KCNQ2: variants seen among roughly 807,000 people sequenced by gnomAD.
KCNQ2 encodes potassium voltage-gated channel subfamily KQT member 2.
A neutral mutation model predicts 84.8 loss-of-function variants in KCNQ2; 14 were observed. The ratio of observed to expected loss-of-function variants is 0.17; its 90% CI spans 0.11 to 0.26. The LOEUF (loss-of-function observed/expected upper bound fraction) is 0.26. Ranked by LOEUF, KCNQ2 falls within the 10% of genes least tolerant of loss-of-function variation. The pLI, the probability that KCNQ2 is intolerant of heterozygous loss-of-function variation, is 1.00. For missense variants in KCNQ2, 788 were observed against 1,254.0 expected (o/e 0.63, Z 5.61); for synonymous variants, 599 against 554.1 (o/e 1.08, Z -1.14).
chr20:63,462,839 C>T (rs73918929), intron 1 of KCNQ2, among the ~76,000 whole-genome samples: 1,742 of 152,248 alleles, frequency 0.011, 31 homozygotes, highest in African/African-American at 0.04. Context: ...GGGGGCCACA[C>T]GCACAAGGCA....
intron 5 of KCNQ2, among the ~76,000 whole-genome samples, chr20:63,440,358 A>G (rs2081122350): frequency 6.6e-6 from 1 of 152,150 alleles, no homozygotes; most frequent in Non-Finnish European, 1.5e-5. Context: ...AAGGACGGAC[A>G]CGTCTCCAAG....
rs981187085 is a variant in KCNQ2, at chr20:63,406,147, G to A, written c.*497C>T. The A allele has an allele frequency of 2.5e-5, 4 of 161,394 alleles. No individual in the cohort carries two copies. The highest frequency in any genetic ancestry group is 4.1e-5 in the Non-Finnish European group (3 of 73,346). 10.0% of individuals were successfully genotyped at this position (161,394 alleles called of 1,614,324 possible). On this transcript the variant is annotated 3_prime_UTR_variant, in exon 17 of 17. Coordinates refer to ENST00000359125, the MANE Select transcript of KCNQ2 (RefSeq NM_172107.4). The stretch of plus-strand genomic sequence containing the variant: ...TGTGAAGGCAGAGGCCACGCACAGC[G>A]GCCGGCCACACCCGCCTGTAGCTGC...
intron 7 of KCNQ2, among the ~76,000 whole-genome samples, chr20:63,436,210 C>A (rs1388244755): frequency 1.3e-5 from 2 of 152,254 alleles, no homozygotes; most frequent in East Asian, 1.9e-4. Context: ...TGAATCGATG[C>A]GGCAAACCTC....
Position 63,425,697 on chromosome 20 carries a change from G to A in KCNQ2, c.1218-1491C>T, listed in dbSNP as rs1177922607. On this transcript the variant is annotated intron_variant, in intron 10 of 16. Coordinates refer to ENST00000359125, the MANE Select transcript of KCNQ2 (RefSeq NM_172107.4). The surrounding 1 kb of genome is among the most constrained non-coding windows in gnomAD (Gnocchi z 5.5). ...ATTGCGCCACTGCACTCCAGCCTGA[G>A]TGACGCAGGGAGACTCCGTCTCAGA... Among the ~76,000 whole-genome samples the A allele has an allele frequency of 1.3e-5, 2 of 152,090 alleles. No individual in the cohort carries two copies. Among genetic ancestry groups the A allele is most frequent in the African/African-American group, 2.4e-5 (1 of 41,392 alleles).
chr20:63,405,973 G>A lies in KCNQ2; in HGVS notation c.*671C>T, dbSNP rs73918905. On this transcript the variant is annotated 3_prime_UTR_variant, in exon 17 of 17. Transcript: ENST00000359125. ...GGTTCCCAGGCCCCACCCGCTCCTC[G>A]GCTGCAGGCGAAGGTCTCCACCTCG... is the stretch of plus-strand genomic sequence containing the variant. The A allele has an allele frequency of 0.087, 13,213 of 152,292 alleles. 639 individuals are homozygous for A. Among genetic ancestry groups the A allele is most frequent in the Middle Eastern group, 0.15 (44 of 294 alleles). The allele number at this position is 152,292 out of a possible 1,614,324, so 9.4% of individuals were successfully genotyped here. A position where few individuals can be genotyped will look rare whatever the true frequency, so the allele number is the denominator to read the frequency against.
intron 3 of KCNQ2, 24 bp from the exon 4 acceptor site, chr20:63,444,858 T>G: frequency 6.4e-7 from 1 of 1,570,340 alleles, no homozygotes; most frequent in Non-Finnish European, 8.7e-7. Context: ...GTGGAGCTGG[T>G]GAGCTGCTGG....
At position 63,438,360 on chromosome 20, in the gene KCNQ2, C is replaced by G. The variant is rs576046620; in HGVS notation, c.1023+265G>C. 7.3e-5 allele frequency: 42 copies of G among 571,862 alleles called. No individual in the cohort carries two copies. Among genetic ancestry groups the G allele is most frequent in the Non-Finnish European group, 1.3e-4 (41 of 317,282 alleles). The allele number at this position is 571,862 out of a possible 1,614,324, so 35.4% of individuals were successfully genotyped here. A position where few individuals can be genotyped will look rare whatever the true frequency, so the allele number is the denominator to read the frequency against. On this transcript the variant is annotated intron_variant, in intron 7 of 16. Transcript: ENST00000359125. This position sits in a 1 kb window ranked among gnomAD's most constrained non-coding sequence, Gnocchi z 5.1. ...CCTCCCAGGGTGCGGTAGAGAGGACCTGATGGCCGGGCCCCAGCACCCACA... is the reference window on the plus strand; with the variant it reads ...CCTCCCAGGGTGCGGTAGAGAGGACGTGATGGCCGGGCCCCAGCACCCACA...
Position 63,415,073 on chromosome 20 carries a change from G to T in KCNQ2, c.1355C>A (p.Ala452Asp). 6.2e-7 allele frequency: 1 copy of T among 1,606,270 alleles called. No homozygotes were observed. The part of the protein sequence containing the change: ...RVFSSPRGVA[A>D]KGKGSPQAQT... Reference sequence around the variant, plus strand: ...GGCCTGCGGGGACCCCTTCCCCTTGGCAGCCACGCCTCGGGGGCTGGAGAA... The same window carrying T: ...GGCCTGCGGGGACCCCTTCCCCTTGTCAGCCACGCCTCGGGGGCTGGAGAA... The change falls in exon 13 of 17, where the codon GCC becomes GAC. Residue 452 changes from alanine to aspartate, a missense_variant. Transcript: ENST00000359125.
intron 1 of KCNQ2, among the ~76,000 whole-genome samples, chr20:63,457,891 A>G (rs1358896138): frequency 6.6e-6 from 1 of 152,058 alleles, no homozygotes; most frequent in African/African-American, 2.4e-5. Context: ...TGGTTAAATC[A>G]GCTCCCCGGG....
At position 63,406,965 on chromosome 20, in the gene KCNQ2, C is replaced by G. The variant is rs370078678; in HGVS notation, c.2298G>C (p.Leu766=). The change falls in exon 17 of 17, where the codon CTG becomes CTC. Residue 766 remains leucine, a synonymous_variant. Coordinates refer to ENST00000359125, the MANE Select transcript of KCNQ2 (RefSeq NM_172107.4). ...GGGNRASMEF[L]RQEDTPGCRP... is the part of the protein sequence containing the mutation. ...TGCAGCCCGGGGTGTCCTCCTGCCG[C>G]AGGAACTCCATGCTGGCGCGGTTGC... The G allele has an allele frequency of 8.3e-6, 13 of 1,558,210 alleles. No individual in the cohort carries two copies. Among genetic ancestry groups the G allele is most frequent in the East Asian group, 4.7e-5 (2 of 42,222 alleles).
chr20:63,407,457 GGGCCCAGGCTGGTTCCAGGAAACAGGAGA>G lies in KCNQ2; in HGVS notation c.1888-111_1888-83del, dbSNP rs2079983968. 1 of 1,274,734 alleles carries G rather than the reference GGGCCCAGGCTGGTTCCAGGAAACAGGAGA, an allele frequency of 7.8e-7. No homozygotes were observed. The highest frequency in any genetic ancestry group is 1.3e-5 in the South Asian group (1 of 79,358). 79.0% of individuals were successfully genotyped at this position (1,274,734 alleles called of 1,614,324 possible). A position where few individuals can be genotyped will look rare whatever the true frequency, so the allele number is the denominator to read the frequency against. ...CCCAGGCTGCTCCCAGGAAATGGGG[GGGCCCAGGCTGGTTCCAGGAAACAGGAGA>G]GACCCAGGCTAGTCCCAGGAAACGG... On this transcript the variant is annotated intron_variant, in intron 16 of 16. Coordinates refer to ENST00000359125, the MANE Select transcript of KCNQ2 (RefSeq NM_172107.4). This position sits in a 1 kb window ranked among gnomAD's most constrained non-coding sequence, Gnocchi z 7.2.
Position 63,400,351 on chromosome 20 carries a change from C to G in KCNQ2, c.*6293G>C, listed in dbSNP as rs2079784223. 2 of 348,664 alleles carry G rather than the reference C, an allele frequency of 5.7e-6. No individual in the cohort carries two copies. The highest frequency in any genetic ancestry group is 1.0e-5 in the Non-Finnish European group (2 of 195,304). 21.6% of individuals were successfully genotyped at this position (348,664 alleles called of 1,614,324 possible). A position where few individuals can be genotyped will look rare whatever the true frequency, so the allele number is the denominator to read the frequency against. On this transcript the variant is annotated 3_prime_UTR_variant, in exon 17 of 17. Transcript: ENST00000359125. The surrounding 1 kb of genome is among the most constrained non-coding windows in gnomAD (Gnocchi z 8.7). The stretch of plus-strand genomic sequence containing the variant: ...ACCCGAAGTCCCCCGCAAACCCGCA[C>G]TGGCGCATTCTTACGGCTCTGGCAT...
In KCNQ2 at chr20:63,415,056, G is replaced by A. The variant is rs1263971181; in HGVS notation, c.1372C>T (p.Pro458Ser). 20 of 1,607,828 alleles carry A rather than the reference G, an allele frequency of 1.2e-5. 1 individual carries two copies. In the Admixed American group the frequency reaches 3.3e-4, roughly 27 times the overall value. The stretch of plus-strand genomic sequence containing the variant: ...GACCGCCTCACAGTCTGGGCCTGCG[G>A]GGACCCCTTCCCCTTGGCAGCCACG... ...RGVAAKGKGSPQAQTVRRSPS... is the reference protein window; with the variant it reads ...RGVAAKGKGSSQAQTVRRSPS... The change falls in exon 13 of 17, where the codon CCG (proline) becomes TCG (serine). Residue 458 changes from proline (P) to serine (S), a missense_variant. This residue lies in a region of KCNQ2 where 202 missense variants were observed against 239.4 expected (regional missense o/e 0.84). Coordinates refer to ENST00000359125, the MANE Select transcript of KCNQ2 (RefSeq NM_172107.4).
chr20:63,407,984 G>A lies in KCNQ2; in HGVS notation c.1887+429C>T, dbSNP rs953549462. The stretch of plus-strand genomic sequence containing the variant: ...AGTTCCTTACTCACTGCTCAGGCCC[G>A]GCTCTCAGAAGCAGGCCCCAAAACA... On this transcript the variant is annotated intron_variant, in intron 16 of 16. Coordinates refer to ENST00000359125, the MANE Select transcript of KCNQ2 (RefSeq NM_172107.4). This position sits in a 1 kb window ranked among gnomAD's most constrained non-coding sequence, Gnocchi z 7.2. The A allele has an allele frequency of 1.5e-5, 4 of 268,710 alleles. No individual in the cohort carries two copies. Among genetic ancestry groups the A allele is most frequent in the Non-Finnish European group, 2.9e-5 (4 of 135,946 alleles). The allele number at this position is 268,710 out of a possible 1,614,324, so 16.6% of individuals were successfully genotyped here. A position where few individuals can be genotyped will look rare whatever the true frequency, so the allele number is the denominator to read the frequency against.
In KCNQ2 at chr20:63,400,458, A is replaced by T; in HGVS notation, c.*6186T>A. On this transcript the variant is annotated 3_prime_UTR_variant, in exon 17 of 17. Coordinates refer to ENST00000359125, the MANE Select transcript of KCNQ2 (RefSeq NM_172107.4). The surrounding 1 kb of genome is among the most constrained non-coding windows in gnomAD (Gnocchi z 8.7). Reference sequence around the variant, plus strand: ...TCATTCCCTGGGCGTCTATCCCTAGAAAATGGACGGTGCACAAAGTTGAGA... The same window carrying T: ...TCATTCCCTGGGCGTCTATCCCTAGTAAATGGACGGTGCACAAAGTTGAGA... 1 of 397,430 alleles carries T rather than the reference A, an allele frequency of 2.5e-6. No individual in the cohort carries two copies. Among genetic ancestry groups the T allele is most frequent in the African/African-American group, 2.1e-5 (1 of 48,744 alleles). 24.6% of individuals were successfully genotyped at this position (397,430 alleles called of 1,614,324 possible).
intron 7 of KCNQ2, among the ~76,000 whole-genome samples, chr20:63,435,165 G>C (rs894006713): frequency 2.0e-5 from 3 of 152,176 alleles, no homozygotes; most frequent in Non-Finnish European, 4.4e-5. Flanking sequence ...GAAGCAGGTG[G>C]ATCGCCTGAG....
intron 7 of KCNQ2, among the ~76,000 whole-genome samples, chr20:63,437,840 C>T (rs1046933568): frequency 1.3e-5 from 2 of 152,166 alleles, no homozygotes; most frequent in Non-Finnish European, 2.9e-5. Context: ...GACGGAGTCT[C>T]GCTCTGTCAC....
intron 12 of KCNQ2, among the ~76,000 whole-genome samples, chr20:63,416,774 G>A (rs1246144049): frequency 1.3e-5 from 2 of 152,046 alleles, no homozygotes; most frequent in Admixed American, 6.6e-5. Flanking sequence ...CCACCAGACG[G>A]CACAGAGATA....
chr20:63,440,867 G>T (rs951944695), intron 5 of KCNQ2, among the ~76,000 whole-genome samples: 15 of 152,152 alleles, frequency 9.9e-5, no homozygotes, highest in Non-Finnish European at 1.6e-4. Flanking sequence ...GTGGGCGGGA[G>T]GCTGGGCGAG....
Sources: gnomAD v4.1 joint callset for allele counts (sites outside exome capture counted in the v4.1 genomes callset) on GRCh38, gnomAD v4.1.1 for gene constraint, gnomAD v4.1.1 regional missense constraint, Gnocchi (gnomAD v3.1) non-coding constraint, MANE v1.5 for transcripts, NCBI Gene and HGNC (gene_info 2026-07-23, HGNC 2026-07-21) for gene names.